TRPC4AP: variants seen among roughly 807,000 people sequenced by gnomAD.
TRPC4AP encodes transient receptor potential cation channel subfamily C member 4 associated protein, also known as short transient receptor potential channel 4-associated protein.
TRPC4AP carries 45 observed loss-of-function variants against 99.0 expected under a neutral mutation model. The observed-to-expected ratio is 0.45, with a 90% CI of 0.36 to 0.58. The LOEUF is 0.58. Ranked by LOEUF, TRPC4AP falls within the 20% of genes least tolerant of loss-of-function variation. The probability of loss-of-function intolerance (pLI) is 0.00; values close to 1 mark genes in which losing one functional copy is unlikely to be tolerated. For missense variants in TRPC4AP, 879 were observed against 985.3 expected (o/e 0.89, Z 1.44); for synonymous variants, 408 against 385.8 (o/e 1.06, Z -0.67).
chr20:35,059,190 AG>A, intron 3 of TRPC4AP, among the ~76,000 whole-genome samples: 1 of 152,326 alleles, frequency 6.6e-6, no homozygotes, highest in East Asian at 1.9e-4. Flanking sequence ...CCAAGAAAAA[AG>A]GAGAGAGGAT....
intron 3 of TRPC4AP, among the ~76,000 whole-genome samples, chr20:35,057,911 T>C (rs986814535): frequency 6.6e-6 from 1 of 152,230 alleles, no homozygotes; most frequent in African/African-American, 2.4e-5. Flanking sequence ...AAAGAACATT[T>C]GTAAGTTTAT....
intron 6 of TRPC4AP, among the ~76,000 whole-genome samples, chr20:35,048,296 C>G (rs1275680064): frequency 6.7e-6 from 1 of 149,172 alleles, no homozygotes; most frequent in African/African-American, 2.5e-5. Context: ...ACTGCAACCT[C>G]TGCCTCCCGG....
chr20:35,046,493 T>C (rs1569117975), intron 6 of TRPC4AP, among the ~76,000 whole-genome samples: 3 of 152,218 alleles, frequency 2.0e-5, no homozygotes, highest in Admixed American at 6.5e-5. Context: ...ATTTCCCAAA[T>C]AATCTGACCA....
Position 35,004,565 on chromosome 20 carries a change from C to A in TRPC4AP, c.1942G>T (p.Glu648Ter). The change falls in exon 17 of 19, where the codon GAG (glutamate) becomes TAG (stop). Residue 648 changes from glutamate (E) to a stop codon, truncating the protein, a stop_gained. Transcript: ENST00000252015. LOFTEE classifies it high-confidence loss of function. Reference sequence around the variant, plus strand: ...AGCAGGCGGCATTCAGACAGTACCTCGGCAACTGTGGAGGGAGGCAGGGGT... The same window carrying A: ...AGCAGGCGGCATTCAGACAGTACCTAGGCAACTGTGGAGGGAGGCAGGGGT... ...FENQVDMKVAEVLSECRLLAY... is the reference protein window; with the variant it reads ...FENQVDMKVA 6.2e-7 allele frequency: 1 copy of A among 1,613,508 alleles called. No homozygotes were observed. Among genetic ancestry groups the A allele is most frequent in the Non-Finnish European group, 8.5e-7 (1 of 1,179,680 alleles).
intron 11 of TRPC4AP, among the ~76,000 whole-genome samples, chr20:35,011,567 T>C (rs887994206): frequency 2.0e-5 from 3 of 152,310 alleles, no homozygotes; most frequent in Admixed American, 6.5e-5. Context: ...TTCTGTACCA[T>C]TGTGAAGTTG....
intron 9 of TRPC4AP, 37 bp from the exon 10 acceptor site, chr20:35,016,176 T>C (rs758184955): frequency 6.2e-7 from 1 of 1,613,078 alleles, no homozygotes; most frequent in Admixed American, 1.7e-5. Context: ...TTAAGACAAA[T>C]GTGCTTGAAA....
chr20:35,059,676 AGAAGAAGAAG>A (rs1255568021), intron 3 of TRPC4AP, among the ~76,000 whole-genome samples: 3 of 151,852 alleles, frequency 2.0e-5, no homozygotes, highest in South Asian at 4.2e-4. Context: ...AAAAAAAAGA[AGAAGAAGAAG>A]GAAGAAGAAG....
chr20:35,005,087 A>T (rs903002342), intron 16 of TRPC4AP, among the ~76,000 whole-genome samples: 1 of 152,166 alleles, frequency 6.6e-6, no homozygotes, highest in Non-Finnish European at 1.5e-5. Flanking sequence ...GCAGGGCAAT[A>T]ACCGAAGGTA....
At chr20:35,034,982 T>C (rs1019701922) in intron 8 of TRPC4AP, 141 bp downstream of exon 8, 7 of 837,028 alleles carry the variant, frequency 8.4e-6, no homozygotes, top group African/African-American at 6.9e-5. Context: ...AGAGTCTTAA[T>C]AGTCATGGTC....
chr20:35,044,769 G>A (rs2083521843), intron 6 of TRPC4AP, 57 bp from the exon 7 acceptor site: 5 of 1,557,248 alleles, frequency 3.2e-6, no homozygotes, highest in Non-Finnish European at 4.4e-6. Context: ...GAGATTGGAT[G>A]TGCCTCTCTT....
intron 10 of TRPC4AP, 98 bp downstream of exon 10, chr20:35,015,910 C>T (rs1160703816): frequency 4.6e-6 from 7 of 1,506,286 alleles, no homozygotes; most frequent in South Asian, 1.2e-5. Flanking sequence ...TTCTGCTCTA[C>T]TCCCAAAGGA....
intron 8 of TRPC4AP, among the ~76,000 whole-genome samples, chr20:35,022,516 CAG>C (rs1256818344): frequency 6.6e-6 from 1 of 152,156 alleles, no homozygotes; most frequent in African/African-American, 2.4e-5. Flanking sequence ...GTGATCTTAG[CAG>C]AGTGACTTCC....
At chr20:35,043,206 T>C (rs2083479382) in intron 7 of TRPC4AP, among the ~76,000 whole-genome samples, 1 of 152,094 alleles carries the variant, frequency 6.6e-6, no homozygotes, top group African/African-American at 2.4e-5. Flanking sequence ...AACATCTGGG[T>C]TTCTAGTCTT....
At chr20:35,084,290 A>G (rs2084739124) in intron 1 of TRPC4AP, among the ~76,000 whole-genome samples, 1 of 151,994 alleles carries the variant, frequency 6.6e-6, no homozygotes, top group Admixed American at 6.6e-5. Context: ...AGGTATACAC[A>G]AGGCAAAACA....
At chr20:35,055,079 A>C (rs780855707) in intron 4 of TRPC4AP, 48 bp from the exon 5 acceptor site, 4 of 1,532,750 alleles carry the variant, frequency 2.6e-6, no homozygotes, top group Non-Finnish European at 3.6e-6. Flanking sequence ...ATGAAAAGAT[A>C]GTACAACAGT....
At chr20:35,092,531 G>A (rs2146064138) in intron 1 of TRPC4AP, 83 bp downstream of exon 1, 4 of 1,379,546 alleles carry the variant, frequency 2.9e-6, no homozygotes, top group South Asian at 1.6e-5. Context: ...GTCCAGCGGC[G>A]GCCTGGAAAG....
chr20:35,021,062 T>TAC, intron 9 of TRPC4AP, 128 bp downstream of exon 9: 1 of 988,796 alleles, frequency 1.0e-6, no homozygotes, highest in Non-Finnish European at 1.5e-6. Flanking sequence ...GAAGGAGAAA[T>TAC]ACCCCTATGC....
At chr20:35,060,993 A>G (rs2083992106) in intron 3 of TRPC4AP, among the ~76,000 whole-genome samples, 1 of 152,188 alleles carries the variant, frequency 6.6e-6, no homozygotes, top group African/African-American at 2.4e-5. Flanking sequence ...TAAGGCAACT[A>G]GAGAAAAATA....
intron 8 of TRPC4AP, among the ~76,000 whole-genome samples, chr20:35,027,974 G>A (rs192656021): frequency 1.3e-3 from 201 of 152,080 alleles, no homozygotes; most frequent in Non-Finnish European, 2.2e-3. Context: ...TGGTTTTACA[G>A]ATTTTCTCTA....
Sources: allele counts gnomAD v4.1 joint callset (sites outside exome capture counted in the v4.1 genomes callset), GRCh38; gene constraint gnomAD v4.1.1; transcripts MANE v1.5; gene names NCBI Gene and HGNC (gene_info 2026-07-23, HGNC 2026-07-21).